Variants in RETREG1 observed in about 807,000 individuals in gnomAD.
The protein encoded by RETREG1 is family with sequence similarity 134 member B.
In RETREG1, 44 loss-of-function variants were observed where a neutral mutation model predicts 54.8. The observed-to-expected ratio is 0.80, with a 90% CI of 0.63 to 1.03. The LOEUF (loss-of-function observed/expected upper bound fraction) is 1.03. Ranked by LOEUF, RETREG1 falls within the 50% of genes least tolerant of loss-of-function variation. The pLI, the probability that RETREG1 is intolerant of heterozygous loss-of-function variation, is 0.00. For missense variants in RETREG1, 554 were observed against 605.1 expected (o/e 0.92, Z 0.89); for synonymous variants, 217 against 238.5 (o/e 0.91, Z 0.83).
intron 3 of RETREG1, among the ~76,000 whole-genome samples, chr5:16,501,398 C>T (rs1369625527): frequency 4.6e-5 from 7 of 152,128 alleles, no homozygotes; most frequent in African/African-American, 1.2e-4. Flanking sequence ...TGGTTAAAAT[C>T]GTTCAGTGTT....
rs772385059 is a variant in RETREG1, at chr5:16,616,640, C to G, written c.320+12G>C. 6.3e-7 allele frequency: 1 copy of G among 1,585,636 alleles called. No homozygotes were observed. The highest frequency in any genetic ancestry group is 8.5e-7 in the Non-Finnish European group (1 of 1,172,146). ...GCCCTCCTCAGCGCCCCCACCTTGC[C>G]CAAGCTCTCACCAGAACAGCAGGTT... On this transcript the variant is annotated intron_variant, in intron 1 of 8. Coordinates refer to ENST00000306320, the MANE Select transcript of RETREG1 (RefSeq NM_001034850.3).
At chr5:16,510,897 T>G (rs1740154654) in intron 3 of RETREG1, among the ~76,000 whole-genome samples, 1 of 150,842 alleles carries the variant, frequency 6.6e-6, no homozygotes, top group African/African-American at 2.4e-5. Flanking sequence ...CTGATCATTC[T>G]AACCCATGAA....
At chr5:16,522,363 T>A (rs79174954) in intron 3 of RETREG1, among the ~76,000 whole-genome samples, 6,095 of 152,244 alleles carry the variant, frequency 0.04, 412 homozygotes, top group African/African-American at 0.14. Flanking sequence ...GCACAGTTTA[T>A]CACATGTCCT....
intron 3 of RETREG1, 64 bp downstream of exon 3, chr5:16,565,699 G>A: frequency 2.6e-6 from 4 of 1,516,540 alleles, no homozygotes; most frequent in South Asian, 1.1e-5. Context: ...GCTACATCTT[G>A]GTGGCTCAGT....
intron 3 of RETREG1, among the ~76,000 whole-genome samples, chr5:16,556,768 CG>C (rs1741719472): frequency 6.6e-6 from 1 of 152,082 alleles, no homozygotes; most frequent in Non-Finnish European, 1.5e-5. Context: ...CAATCAGGTA[CG>C]GGTCTGAAAA....
intron 3 of RETREG1, among the ~76,000 whole-genome samples, chr5:16,556,260 G>C (rs1022955396): frequency 6.6e-6 from 1 of 151,386 alleles, no homozygotes; most frequent in Non-Finnish European, 1.5e-5. Context: ...CCAGGTTCAC[G>C]CCATTCTCCT....
intron 3 of RETREG1, among the ~76,000 whole-genome samples, chr5:16,543,980 T>TG (rs1741321284): frequency 6.7e-6 from 1 of 148,154 alleles, no homozygotes; most frequent in African/African-American, 2.5e-5. Context: ...GTTTTTTTTT[T>TG]TTTTTTTTTT....
intron 1 of RETREG1, among the ~76,000 whole-genome samples, chr5:16,609,018 C>T (rs1743269657): frequency 6.6e-6 from 1 of 152,196 alleles, no homozygotes; most frequent in Non-Finnish European, 1.5e-5. Flanking sequence ...TATGCTAACA[C>T]AGCAGCTACT....
chr5:16,563,552 G>A (rs1418655401), intron 3 of RETREG1, among the ~76,000 whole-genome samples: 1 of 152,094 alleles, frequency 6.6e-6, no homozygotes, highest in African/African-American at 2.4e-5. Context: ...AAGCCACCGT[G>A]CCTGGCCTGT....
chr5:16,514,351 G>T (rs1373646369), intron 3 of RETREG1, among the ~76,000 whole-genome samples: 1 of 152,158 alleles, frequency 6.6e-6, no homozygotes, highest in African/African-American at 2.4e-5. Context: ...CAGAAATTTG[G>T]CCCAAAGAAG....
At chr5:16,479,473 G>A (rs1165985603) in intron 5 of RETREG1, among the ~76,000 whole-genome samples, 1 of 152,088 alleles carries the variant, frequency 6.6e-6, no homozygotes, top group African/African-American at 2.4e-5. Context: ...TATTAGGATA[G>A]TAACATTATT....
intron 3 of RETREG1, among the ~76,000 whole-genome samples, chr5:16,564,249 A>T (rs563958518): frequency 2.6e-5 from 4 of 152,234 alleles, no homozygotes; most frequent in Non-Finnish European, 2.9e-5. Context: ...CTAAAAACTC[A>T]TACTGAACAA....
chr5:16,566,265 G>A (rs1707406771), intron 2 of RETREG1, among the ~76,000 whole-genome samples: 2 of 152,106 alleles, frequency 1.3e-5, no homozygotes, highest in South Asian at 4.2e-4. Context: ...GACAAAAGGA[G>A]AACTAAGACA....
chr5:16,572,629 C>G (rs534386956), intron 1 of RETREG1, among the ~76,000 whole-genome samples: 1 of 152,174 alleles, frequency 6.6e-6, no homozygotes. Context: ...GCTTTCTGCT[C>G]TACCCTCCAA....
At chr5:16,565,970 G>C (rs75553033) in intron 2 of RETREG1, among the ~76,000 whole-genome samples, 177 bp from the exon 3 acceptor site, 1 of 152,128 alleles carries the variant, frequency 6.6e-6, no homozygotes. Context: ...CAGGCAATTC[G>C]TCCACATATA....
chr5:16,584,273 A>C (rs1261730288), intron 1 of RETREG1, among the ~76,000 whole-genome samples: 1 of 152,218 alleles, frequency 6.6e-6, no homozygotes, highest in African/African-American at 2.4e-5. Flanking sequence ...CCTGTTCCCC[A>C]AAAATCTATT....
intron 3 of RETREG1, among the ~76,000 whole-genome samples, chr5:16,557,259 A>G (rs1741736010): frequency 6.6e-6 from 1 of 152,248 alleles, no homozygotes; most frequent in African/African-American, 2.4e-5. Flanking sequence ...TCTTGAGAGA[A>G]AAGAGTGGCC....
chr5:16,569,616 G>A (rs1413764430), intron 2 of RETREG1, among the ~76,000 whole-genome samples: 1 of 152,154 alleles, frequency 6.6e-6, no homozygotes, highest in African/African-American at 2.4e-5. Flanking sequence ...AAAGCCCTGT[G>A]GTATGAGGAT....
At chr5:16,589,148 A>G (rs1191284361) in intron 1 of RETREG1, among the ~76,000 whole-genome samples, 1 of 152,216 alleles carries the variant, frequency 6.6e-6, no homozygotes, top group Non-Finnish European at 1.5e-5. Flanking sequence ...TTCAACAACA[A>G]AATGTTCAAG....
Sources: gnomAD v4.1 joint callset for allele counts (sites outside exome capture counted in the v4.1 genomes callset) on GRCh38, gnomAD v4.1.1 for gene constraint, MANE v1.5 for transcripts, NCBI Gene and HGNC (gene_info 2026-07-23, HGNC 2026-07-21) for gene names.